LRP1B: variants seen among roughly 807,000 people sequenced by gnomAD.
LRP1B encodes the protein LDL receptor related protein 1B.
Under a neutral mutation model 556.6 loss-of-function variants are expected in LRP1B, and 217 were observed. The observed-to-expected ratio is 0.39, with a 90% CI of 0.35 to 0.44. LRP1B has a LOEUF of 0.44. Among genes scored for constraint, LRP1B ranks in the 20% least tolerant of loss-of-function variants. LRP1B has a pLI of 1.00. For synonymous variants in LRP1B, 2,047 were observed against 1,865.8 expected (o/e 1.10, Z -2.50); for missense variants, 5,053 against 5,620.8 (o/e 0.90, Z 3.23).
intron 41 of LRP1B, among the ~76,000 whole-genome samples, chr2:140,631,212 A>C (rs1244143771): frequency 6.6e-6 from 1 of 152,190 alleles, no homozygotes; most frequent in Non-Finnish European, 1.5e-5. Flanking sequence ...ACTAAAGGTC[A>C]ATTTACCTCA....
chr2:141,037,873 C>T (rs960580930), intron 11 of LRP1B, among the ~76,000 whole-genome samples: 8 of 150,940 alleles, frequency 5.3e-5, no homozygotes, highest in South Asian at 4.2e-4. Context: ...CAGACACATG[C>T]GCACGTGCAT....
At chr2:140,445,022 T>G (rs1024808280) in intron 63 of LRP1B, among the ~76,000 whole-genome samples, 1 of 152,180 alleles carries the variant, frequency 6.6e-6, no homozygotes, top group South Asian at 2.1e-4. Context: ...TAACAAAAAC[T>G]GTTATTCCAA....
chr2:140,914,615 CA>C lies in LRP1B; in HGVS notation c.3320-6539del, dbSNP rs1559191560. Among the ~76,000 whole-genome samples the C allele has an allele frequency of 2.6e-5, 4 of 151,382 alleles. No individual in the cohort carries two copies. In the South Asian group the frequency reaches 8.4e-4, roughly 32 times the overall value. ...GACTTTGCAGAAAGATGAGAAGGAG[CA>C]AAAAAATTAAGAGAAGAATATCTAC... On this transcript the variant is annotated intron_variant, in intron 21 of 90. Coordinates refer to ENST00000389484, the MANE Select transcript of LRP1B (RefSeq NM_018557.3).
At chr2:140,656,280 T>A (rs1684876366) in intron 41 of LRP1B, among the ~76,000 whole-genome samples, 1 of 152,182 alleles carries the variant, frequency 6.6e-6, no homozygotes, top group Non-Finnish European at 1.5e-5. Context: ...GGACATTTTT[T>A]GTCTTATTTT....
chr2:141,009,664 T>C (rs1357368808), intron 14 of LRP1B, among the ~76,000 whole-genome samples: 1 of 152,006 alleles, frequency 6.6e-6, no homozygotes, highest in Non-Finnish European at 1.5e-5. Flanking sequence ...AAAACTGCTA[T>C]GTCTGTTATA....
intron 7 of LRP1B, among the ~76,000 whole-genome samples, chr2:141,086,446 C>T (rs1324814481): frequency 6.6e-6 from 1 of 151,984 alleles, no homozygotes; most frequent in Non-Finnish European, 1.5e-5. Flanking sequence ...TATCATTATC[C>T]TTTTTGATGT....
At chr2:141,721,793 G>A (rs979842055) in intron 2 of LRP1B, among the ~76,000 whole-genome samples, 13 of 152,158 alleles carry the variant, frequency 8.5e-5, no homozygotes, top group Admixed American at 4.6e-4. Context: ...AAAATTATTC[G>A]TATGGTAGCA....
intron 2 of LRP1B, among the ~76,000 whole-genome samples, chr2:141,483,096 A>G (rs12993073): frequency 0.96 from 136,598 of 142,468 alleles, 65,790 homozygotes; most frequent in East Asian, 1. Flanking sequence ...TGTATCTCCT[A>G]ATGCTATCCC....
At chr2:141,516,604 A>G (rs1684319605) in intron 2 of LRP1B, among the ~76,000 whole-genome samples, 1 of 152,008 alleles carries the variant, frequency 6.6e-6, no homozygotes, top group Admixed American at 6.6e-5. Context: ...GCAGGGAGCC[A>G]TGATTGCACC....
chr2:140,625,219 G>A (rs1038385275), intron 41 of LRP1B, among the ~76,000 whole-genome samples: 2 of 152,204 alleles, frequency 1.3e-5, no homozygotes, highest in African/African-American at 2.4e-5. Context: ...GACCATGCCT[G>A]TAATAATTTG....
chr2:140,678,376 G>C (rs113568348), intron 41 of LRP1B, among the ~76,000 whole-genome samples: 2,579 of 152,190 alleles, frequency 0.017, 80 homozygotes, highest in African/African-American at 0.058. Context: ...GGAGATATTT[G>C]TTAGAAAGAT....
At chr2:140,303,402 G>A (rs943693992) in intron 83 of LRP1B, among the ~76,000 whole-genome samples, 20 of 151,488 alleles carry the variant, frequency 1.3e-4, no homozygotes, top group African/African-American at 2.7e-4. Flanking sequence ...CACCTGCCAC[G>A]ATGCCTGGCT....
At chr2:141,487,026 T>G (rs1683146852) in intron 2 of LRP1B, among the ~76,000 whole-genome samples, 1 of 152,168 alleles carries the variant, frequency 6.6e-6, no homozygotes, top group Non-Finnish European at 1.5e-5. Flanking sequence ...TCAGGCCTCT[T>G]ATATTCTATT....
chr2:141,431,628 C>T (rs888959251), intron 3 of LRP1B, among the ~76,000 whole-genome samples: 1 of 151,978 alleles, frequency 6.6e-6, no homozygotes, highest in African/African-American at 2.4e-5. Context: ...CTGGAAAGTC[C>T]CATTTCTCTA....
intron 1 of LRP1B, among the ~76,000 whole-genome samples, chr2:141,912,746 T>C (rs1378990814): frequency 6.6e-6 from 1 of 152,172 alleles, no homozygotes; most frequent in East Asian, 1.9e-4. Context: ...TTCATCTTTT[T>C]ATCATCAGGG....
At chr2:142,088,522 GCCATC>G (rs774463369) in intron 1 of LRP1B, among the ~76,000 whole-genome samples, 4 of 152,036 alleles carry the variant, frequency 2.6e-5, no homozygotes, top group Non-Finnish European at 5.9e-5. Flanking sequence ...CAATACCTTA[GCCATC>G]AGTTATTCTA....
chr2:142,058,700 C>T (rs1461546244), intron 1 of LRP1B, among the ~76,000 whole-genome samples: 2 of 152,080 alleles, frequency 1.3e-5, no homozygotes, highest in African/African-American at 2.4e-5. Flanking sequence ...CTCTCCAATG[C>T]TTGGCACATG....
intron 3 of LRP1B, among the ~76,000 whole-genome samples, chr2:141,391,645 T>G (rs1485428857): frequency 6.6e-6 from 1 of 152,156 alleles, no homozygotes; most frequent in Non-Finnish European, 1.5e-5. Flanking sequence ...AGATTTGTTT[T>G]GAAAAGATGA....
At chr2:141,834,988 T>C (rs930062509) in intron 1 of LRP1B, among the ~76,000 whole-genome samples, 6 of 151,882 alleles carry the variant, frequency 4.0e-5, no homozygotes, top group African/African-American at 1.4e-4. Flanking sequence ...AAGTCAAGGA[T>C]GTATAAAGAT....
Sources: allele counts gnomAD v4.1 joint callset (sites outside exome capture counted in the v4.1 genomes callset), GRCh38; gene constraint gnomAD v4.1.1; transcripts MANE v1.5; gene names NCBI Gene and HGNC (gene_info 2026-07-23, HGNC 2026-07-21).